The following YEATS2 variants were observed in gnomAD, a reference collection of about 807,000 sequenced individuals.
YEATS2 encodes the protein YEATS domain-containing protein 2.
Under a neutral mutation model 163.2 loss-of-function variants are expected in YEATS2, and 77 were observed. The observed-to-expected ratio is 0.47, with a 90% CI of 0.39 to 0.57. The LOEUF is 0.57. Ranked by LOEUF, YEATS2 falls within the 20% of genes least tolerant of loss-of-function variation. YEATS2 has a pLI of 0.00. For synonymous variants in YEATS2, 631 were observed against 645.1 expected (o/e 0.98, Z 0.33); for missense variants, 1,549 against 1,729.8 (o/e 0.90, Z 1.85).
chr3:183,752,503 A>G (rs1248765871), intron 10 of YEATS2, among the ~76,000 whole-genome samples: 2 of 151,896 alleles, frequency 1.3e-5, no homozygotes, highest in Admixed American at 6.6e-5. Flanking sequence ...AGGTCAGGAG[A>G]TTAAGACCAT....
Position 183,700,590 on chromosome 3 carries a change from T to G in YEATS2, c.-20+2597T>G, listed in dbSNP as rs1276380576. Among the ~76,000 whole-genome samples, 6 of 149,796 alleles carry G rather than the reference T, an allele frequency of 4.0e-5. No homozygotes were observed. In the South Asian group the frequency reaches 1.3e-3, roughly 31 times the overall value. On this transcript the variant is annotated intron_variant, in intron 1 of 30. Transcript: ENST00000305135. Reference sequence around the variant, plus strand: ...AAGCAGATTTTTTCTTTTTCTTTTCTTTTCTTTCTTTTTTTTTTTTTTTTT... The same window carrying G: ...AAGCAGATTTTTTCTTTTTCTTTTCGTTTCTTTCTTTTTTTTTTTTTTTTT...
intron 12 of YEATS2, among the ~76,000 whole-genome samples, chr3:183,758,211 G>A (rs766548009): frequency 5.3e-4 from 80 of 152,126 alleles, no homozygotes; most frequent in Admixed American, 5.9e-4. Context: ...AGAAAAATTA[G>A]CCAGGTGTGG....
intron 7 of YEATS2, among the ~76,000 whole-genome samples, chr3:183,733,327 T>TA (rs1235075751): frequency 6.6e-6 from 1 of 152,258 alleles, no homozygotes; most frequent in Non-Finnish European, 1.5e-5. Flanking sequence ...GTACAGTTGT[T>TA]TAGATACTTG....
intron 10 of YEATS2, among the ~76,000 whole-genome samples, chr3:183,753,344 T>C (rs1720383196): frequency 6.6e-6 from 1 of 152,240 alleles, no homozygotes; most frequent in Admixed American, 6.5e-5. Flanking sequence ...CTTAAATGTT[T>C]TATTTCTAAG....
chr3:183,747,526 A>G (rs530760718), intron 8 of YEATS2, 146 bp from the exon 9 acceptor site: 1 of 386,728 alleles, frequency 2.6e-6, no homozygotes, highest in Non-Finnish European at 4.5e-6. Flanking sequence ...TTTTTATTGA[A>G]GTGATGAATT....
In YEATS2 at chr3:183,697,852, C is replaced by T. The variant is rs1357479377; in HGVS notation, c.-161C>T. On this transcript the variant is annotated 5_prime_UTR_variant, in exon 1 of 31. Transcript: ENST00000305135. Reference sequence around the variant, plus strand: ...AACGCGCCGGGCGGGCTCCACCGCGCCGTGTGCTTCCGCAGGTTGCGGGGG... The same window carrying T: ...AACGCGCCGGGCGGGCTCCACCGCGTCGTGTGCTTCCGCAGGTTGCGGGGG... 1.3e-5 allele frequency: 2 copies of T among 151,008 alleles called. No homozygotes were observed. Among genetic ancestry groups the T allele is most frequent in the Non-Finnish European group, 3.0e-5 (2 of 67,682 alleles). 9.4% of individuals were successfully genotyped at this position (151,008 alleles called of 1,614,324 possible).
intron 11 of YEATS2, 77 bp downstream of exon 11, chr3:183,754,442 T>G (rs1720508405): frequency 6.6e-7 from 1 of 1,511,056 alleles, no homozygotes; most frequent in Non-Finnish European, 8.9e-7. Flanking sequence ...AACAAAATAC[T>G]TGGCTTTTTT....
chr3:183,722,273 C>G, intron 5 of YEATS2, 137 bp downstream of exon 5: 1 of 496,324 alleles, frequency 2.0e-6, no homozygotes, highest in Non-Finnish European at 3.0e-6. Flanking sequence ...ATGGGGAAAC[C>G]AAATCTTTTT....
At chr3:183,714,660 C>G (rs1044210739) in intron 1 of YEATS2, among the ~76,000 whole-genome samples, 6 of 152,138 alleles carry the variant, frequency 3.9e-5, no homozygotes, top group African/African-American at 1.4e-4. Flanking sequence ...GAGAAAGGAT[C>G]TGTATAATCA....
chr3:183,783,592 A>G (rs897994381), intron 19 of YEATS2, among the ~76,000 whole-genome samples: 1 of 152,172 alleles, frequency 6.6e-6, no homozygotes. Context: ...TATTGTGGCC[A>G]TCTTTGTGTC....
At chr3:183,734,500 T>C (rs755655799) in intron 7 of YEATS2, among the ~76,000 whole-genome samples, 2 of 152,208 alleles carry the variant, frequency 1.3e-5, no homozygotes, top group Non-Finnish European at 2.9e-5. Flanking sequence ...AGGAATGCAG[T>C]GTTTGCTGCT....
intron 9 of YEATS2, among the ~76,000 whole-genome samples, chr3:183,751,476 A>C (rs943227208): frequency 8.5e-5 from 13 of 152,238 alleles, no homozygotes; most frequent in Admixed American, 6.5e-5. Flanking sequence ...TGTCTAGAGA[A>C]ATCTGCTGTA....
intron 8 of YEATS2, among the ~76,000 whole-genome samples, chr3:183,745,578 T>C (rs1278758056): frequency 6.6e-6 from 1 of 152,198 alleles, no homozygotes; most frequent in Non-Finnish European, 1.5e-5. Context: ...CTTTGTATTT[T>C]GTACAGTAAA....
chr3:183,788,307 G>T, intron 20 of YEATS2, among the ~76,000 whole-genome samples: 2 of 150,952 alleles, frequency 1.3e-5, no homozygotes, highest in Admixed American at 1.3e-4. Context: ...CCCTGCTGTT[G>T]GCCTTCCCAC....
chr3:183,808,400 T>C (rs1726443857), intron 29 of YEATS2, among the ~76,000 whole-genome samples: 1 of 152,182 alleles, frequency 6.6e-6, no homozygotes, highest in Admixed American at 6.5e-5. Flanking sequence ...TATGGTTTTC[T>C]GTACACGTCA....
At chr3:183,760,327 T>G (rs1221433287) in intron 13 of YEATS2, among the ~76,000 whole-genome samples, 1 of 146,874 alleles carries the variant, frequency 6.8e-6, no homozygotes, top group African/African-American at 2.5e-5. Flanking sequence ...TTTTTTTTTT[T>G]TTTTTTTTTT....
chr3:183,702,835 A>G (rs550963106), intron 1 of YEATS2, among the ~76,000 whole-genome samples: 1 of 148,414 alleles, frequency 6.7e-6, no homozygotes, highest in Non-Finnish European at 1.5e-5. Context: ...CTCTCTCTCA[A>G]AAAAAAAAAA....
chr3:183,765,502 A>G (rs565064529), intron 15 of YEATS2, among the ~76,000 whole-genome samples: 1 of 152,354 alleles, frequency 6.6e-6, no homozygotes, highest in Non-Finnish European at 1.5e-5. Flanking sequence ...AAACCACAGC[A>G]AAGTGTGAAG....
intron 19 of YEATS2, among the ~76,000 whole-genome samples, chr3:183,782,470 C>A (rs1159698594): frequency 6.6e-6 from 1 of 151,922 alleles, no homozygotes; most frequent in Non-Finnish European, 1.5e-5. Context: ...GTCCCCCAGG[C>A]TGGAGTACAA....
Sources: allele counts gnomAD v4.1 joint callset (sites outside exome capture counted in the v4.1 genomes callset), GRCh38; gene constraint gnomAD v4.1.1; transcripts MANE v1.5; gene names NCBI Gene and HGNC (gene_info 2026-07-23, HGNC 2026-07-21).